LRP1B: variants seen among roughly 807,000 people sequenced by gnomAD.
LRP1B encodes the protein low-density lipoprotein receptor-related protein 1B.
A neutral mutation model predicts 556.6 loss-of-function variants in LRP1B; 217 were observed. The ratio of observed to expected loss-of-function variants is 0.39; its 90% CI spans 0.35 to 0.44. LRP1B has a LOEUF of 0.44. Among genes scored for constraint, LRP1B ranks in the 20% least tolerant of loss-of-function variants. The pLI is 1.00. For missense variants in LRP1B, 5,053 were observed against 5,620.8 expected (o/e 0.90, Z 3.23); for synonymous variants, 2,047 against 1,865.8 (o/e 1.10, Z -2.50).
chr2:141,240,077 C>T (rs1268616389), intron 5 of LRP1B, among the ~76,000 whole-genome samples: 2 of 151,990 alleles, frequency 1.3e-5, no homozygotes, highest in East Asian at 1.9e-4. Flanking sequence ...TTGTGGGAGT[C>T]ATCGACAGAG....
At chr2:141,410,517 T>C (rs2104942015) in intron 3 of LRP1B, among the ~76,000 whole-genome samples, 1 of 152,194 alleles carries the variant, frequency 6.6e-6, no homozygotes, top group Admixed American at 6.5e-5. Flanking sequence ...TTTGTAAAAT[T>C]ATCCCCTTCT....
intron 35 of LRP1B, among the ~76,000 whole-genome samples, chr2:140,735,221 A>T (rs554420490): frequency 2.0e-5 from 3 of 152,196 alleles, no homozygotes; most frequent in Non-Finnish European, 4.4e-5. Flanking sequence ...GGAAGTTGCT[A>T]AGGGGGAACA....
intron 35 of LRP1B, among the ~76,000 whole-genome samples, chr2:140,768,023 A>G (rs1220740892): frequency 6.6e-6 from 1 of 151,936 alleles, no homozygotes; most frequent in Non-Finnish European, 1.5e-5. Flanking sequence ...AGATTTGATT[A>G]AAGTTTGATC....
At chr2:141,814,946 T>C (rs1281323108) in intron 1 of LRP1B, among the ~76,000 whole-genome samples, 1 of 152,092 alleles carries the variant, frequency 6.6e-6, no homozygotes, top group African/African-American at 2.4e-5. Context: ...CAGCCACAGA[T>C]ACAGGATGAG....
At chr2:141,314,734 T>C (rs1480171687) in intron 3 of LRP1B, among the ~76,000 whole-genome samples, 1 of 148,070 alleles carries the variant, frequency 6.8e-6, no homozygotes, top group Non-Finnish European at 1.5e-5. Context: ...GAGTTTGCAG[T>C]GAGCCGAGAT....
intron 3 of LRP1B, among the ~76,000 whole-genome samples, chr2:141,385,830 A>G (rs1689814284): frequency 6.6e-6 from 1 of 152,202 alleles, no homozygotes; most frequent in Non-Finnish European, 1.5e-5. Context: ...TGCTGTTGCT[A>G]TTGTGTAACA....
chr2:140,856,056 T>C (rs1340572645), intron 27 of LRP1B, among the ~76,000 whole-genome samples: 1 of 152,188 alleles, frequency 6.6e-6, no homozygotes, highest in African/African-American at 2.4e-5. Context: ...ATGTATCTGG[T>C]ACATTGTGAT....
intron 1 of LRP1B, among the ~76,000 whole-genome samples, chr2:141,922,819 G>A (rs1700226468): frequency 6.6e-6 from 1 of 152,120 alleles, no homozygotes; most frequent in Non-Finnish European, 1.5e-5. Context: ...ATAAAAAGTA[G>A]CCAGGCGTGG....
intron 2 of LRP1B, among the ~76,000 whole-genome samples, chr2:141,674,964 T>C (rs953927242): frequency 6.6e-6 from 1 of 152,058 alleles, no homozygotes; most frequent in Admixed American, 6.6e-5. Flanking sequence ...TAACATTTTG[T>C]TTCTGTTGGT....
chr2:141,872,948 A>C (rs553918262), intron 1 of LRP1B, among the ~76,000 whole-genome samples: 2 of 152,164 alleles, frequency 1.3e-5, no homozygotes, highest in East Asian at 3.9e-4. Context: ...AATTCAGGGA[A>C]TACTGAAGTT....
chr2:141,663,372 C>T (rs1690297661), intron 2 of LRP1B, among the ~76,000 whole-genome samples: 1 of 150,648 alleles, frequency 6.6e-6, no homozygotes, highest in Non-Finnish European at 1.5e-5. Flanking sequence ...CACAGAAAAC[C>T]CTTAAAAAAA....
intron 1 of LRP1B, among the ~76,000 whole-genome samples, chr2:142,024,620 G>GTTTTTTTTTTTTT (rs3041443): frequency 6.1e-5 from 8 of 131,014 alleles, no homozygotes; most frequent in Non-Finnish European, 6.3e-5. Flanking sequence ...CAGCTGAAAT[G>GTTTTTTTTTTTTT]TTTTTTTTTT....
At chr2:140,710,987 G>A (rs1244094658) in intron 37 of LRP1B, among the ~76,000 whole-genome samples, 1 of 151,964 alleles carries the variant, frequency 6.6e-6, no homozygotes, top group South Asian at 2.1e-4. Flanking sequence ...GAAAGCAAAA[G>A]GGAAAGGCTT....
intron 1 of LRP1B, among the ~76,000 whole-genome samples, chr2:142,007,343 C>T (rs1681703944): frequency 6.6e-6 from 1 of 152,052 alleles, no homozygotes; most frequent in Non-Finnish European, 1.5e-5. Context: ...GATATTGTGC[C>T]TTTAGCTAAA....
In LRP1B at chr2:140,378,192, A is replaced by G. The variant is rs748381356; in HGVS notation, c.10626T>C (p.Asp3542=). 4 of 1,612,488 alleles carry G rather than the reference A, an allele frequency of 2.5e-6. No individual in the cohort carries two copies. In the South Asian group the frequency reaches 4.4e-5, roughly 18 times the overall value. ...CAAAGATGCCTACCTCATCAGAGCCATCTGCACAGTCAAAATCTCCATCAC... is the reference window on the plus strand; with the variant it reads ...CAAAGATGCCTACCTCATCAGAGCCGTCTGCACAGTCAAAATCTCCATCAC... ...FWCDGDFDCA[D]GSDERNCETS... The change falls in exon 68 of 91, where the codon GAT becomes GAC. Residue 3542 remains aspartate (D), a synonymous_variant. Coordinates refer to ENST00000389484, the MANE Select transcript of LRP1B (RefSeq NM_018557.3).
chr2:141,636,775 G>T (rs773213356), intron 2 of LRP1B, among the ~76,000 whole-genome samples: 15 of 151,834 alleles, frequency 9.9e-5, no homozygotes, highest in Admixed American at 6.6e-5. Flanking sequence ...ACATAAGGTA[G>T]AAATGTATGT....
intron 1 of LRP1B, among the ~76,000 whole-genome samples, chr2:141,931,624 AAAG>A (rs1468823881): frequency 2.6e-5 from 4 of 152,042 alleles, no homozygotes; most frequent in African/African-American, 9.7e-5. Context: ...AATCCTTTAT[AAAG>A]AAGAAATTGA....
intron 83 of LRP1B, among the ~76,000 whole-genome samples, chr2:140,301,264 T>C (rs1683807851): frequency 6.6e-6 from 1 of 152,058 alleles, no homozygotes; most frequent in Non-Finnish European, 1.5e-5. Context: ...GCCAAGTCCA[T>C]CTATTTGTAC....
chr2:141,425,016 C>A (rs2104971941), intron 3 of LRP1B, among the ~76,000 whole-genome samples: 1 of 151,244 alleles, frequency 6.6e-6, no homozygotes, highest in Middle Eastern at 3.4e-3. Context: ...TGTGCTGCAC[C>A]CATTAACTCG....
Sources: gnomAD v4.1 joint callset for allele counts (sites outside exome capture counted in the v4.1 genomes callset) on GRCh38, gnomAD v4.1.1 for gene constraint, MANE v1.5 for transcripts, NCBI Gene and HGNC (gene_info 2026-07-23, HGNC 2026-07-21) for gene names.